The following NAALADL2 variants were observed in gnomAD, a reference collection of about 807,000 sequenced individuals.
NAALADL2 encodes the protein inactive N-acetylated-alpha-linked acidic dipeptidase-like protein 2.
Under a neutral mutation model 87.2 loss-of-function variants are expected in NAALADL2, and 76 were observed. The ratio of observed to expected loss-of-function variants is 0.87; its 90% CI spans 0.72 to 1.05. The LOEUF (loss-of-function observed/expected upper bound fraction) is 1.05. NAALADL2 is among the 50% of genes least tolerant of loss of function. The probability of loss-of-function intolerance (pLI) is 0.00; values close to 1 mark genes in which losing one functional copy is unlikely to be tolerated. For missense variants in NAALADL2, 1,089 were observed against 945.8 expected, an observed-to-expected ratio of 1.15 and a Z score of -1.99; for synonymous variants, 354 against 331.0, an observed-to-expected ratio of 1.07 and a Z score of -0.75.
At chr3:174,843,311 CTT>C (rs796893287) in intron 3 of NAALADL2, among the ~76,000 whole-genome samples, 1 of 147,196 alleles carries the variant, frequency 6.8e-6, no homozygotes. Context: ...ATAATAGCAA[CTT>C]TTTTTTTTTT....
At chr3:175,544,644 G>A (rs975482516) in intron 9 of NAALADL2, among the ~76,000 whole-genome samples, 1 of 152,070 alleles carries the variant, frequency 6.6e-6, no homozygotes, top group Non-Finnish European at 1.5e-5. Flanking sequence ...AGATCAGAGT[G>A]GATTTGGATA....
chr3:174,505,415 G>T (rs1464457759), intron 1 of NAALADL2, among the ~76,000 whole-genome samples: 1 of 152,126 alleles, frequency 6.6e-6, no homozygotes, highest in Non-Finnish European at 1.5e-5. Context: ...TTCTACCTTG[G>T]TCATGGTTAG....
intron 3 of NAALADL2, among the ~76,000 whole-genome samples, chr3:174,780,432 A>G (rs1483415940): frequency 1.3e-5 from 2 of 152,120 alleles, no homozygotes; most frequent in East Asian, 1.9e-4. Context: ...CTGCAAACAG[A>G]GACAATTTGA....
At chr3:175,111,143 T>G (rs995044674) in intron 2 of NAALADL2, among the ~76,000 whole-genome samples, 1 of 151,772 alleles carries the variant, frequency 6.6e-6, no homozygotes, top group African/African-American at 2.4e-5. Flanking sequence ...ATATCCTGTG[T>G]GGAGCTATGT....
intron 2 of NAALADL2, among the ~76,000 whole-genome samples, chr3:175,144,924 A>G (rs946738769): frequency 2.0e-5 from 3 of 152,018 alleles, no homozygotes; most frequent in Non-Finnish European, 4.4e-5. Flanking sequence ...TTTCAATACA[A>G]GTTTCAAAAT....
intron 1 of NAALADL2, among the ~76,000 whole-genome samples, chr3:174,936,460 G>T (rs939115005): frequency 6.6e-6 from 1 of 151,868 alleles, no homozygotes; most frequent in Non-Finnish European, 1.5e-5. Context: ...TTTTGAAGCA[G>T]ATAAAAAGAT....
chr3:175,312,247 G>T (rs1040194067), intron 4 of NAALADL2, among the ~76,000 whole-genome samples: 1 of 152,040 alleles, frequency 6.6e-6, no homozygotes, highest in African/African-American at 2.4e-5. Context: ...TATATTACGT[G>T]TCCAGTATTT....
At chr3:175,692,007 T>G (rs1737113392) in intron 11 of NAALADL2, among the ~76,000 whole-genome samples, 1 of 152,116 alleles carries the variant, frequency 6.6e-6, no homozygotes, top group Admixed American at 6.6e-5. Flanking sequence ...TCATCACTCT[T>G]CCTGGCTCTC....
At chr3:175,401,820 C>T (rs1770596157) in intron 5 of NAALADL2, among the ~76,000 whole-genome samples, 1 of 151,992 alleles carries the variant, frequency 6.6e-6, no homozygotes, top group Non-Finnish European at 1.5e-5. Context: ...CTGATTTTAC[C>T]TGGAGTGAAA....
chr3:175,730,399 T>A lies in NAALADL2; in HGVS notation c.1897-6907T>A, dbSNP rs1489957064. 3.6e-3 allele frequency among the ~76,000 whole-genome samples: 21 copies of A among 5,874 alleles called. 1 individual carries two copies. The highest frequency in any genetic ancestry group is 4.5e-3 in the Non-Finnish European group (14 of 3,138). 3.9% of individuals were successfully genotyped at this position (5,874 alleles called of 152,430 possible). On this transcript the variant is annotated intron_variant, in intron 11 of 13. Coordinates refer to ENST00000454872, the MANE Select transcript of NAALADL2 (RefSeq NM_207015.3). ...ATTTTCAGAAAACTTAATACAGATA[T>A]ATATATATATATATATATATATATA... is the stretch of plus-strand genomic sequence containing the variant.
chr3:174,715,123 T>C (rs1004553097), intron 2 of NAALADL2, among the ~76,000 whole-genome samples: 6 of 152,198 alleles, frequency 3.9e-5, no homozygotes, highest in African/African-American at 1.4e-4. Context: ...TTATATATGA[T>C]TGCTGCCTAG....
In NAALADL2 at chr3:174,508,365, G is replaced by A. The variant is rs187945524; in HGVS notation, c.-183-42204G>A. Among the ~76,000 whole-genome samples the A allele has an allele frequency of 6.1e-3, 930 of 152,058 alleles. 3 individuals carry two copies. The highest frequency in any genetic ancestry group is 0.01 in the Non-Finnish European group (700 of 67,990). On this transcript the variant is annotated intron_variant, in intron 1 of 3. Transcript: ENST00000434257. ...CCTGACCTTGTGATCCGCCCGTCTC[G>A]GCCTCCCAAAGTGCCAGGAATAGAG...
At chr3:175,802,330 G>C (rs1553778038) in intron 13 of NAALADL2, among the ~76,000 whole-genome samples, 1 of 150,540 alleles carries the variant, frequency 6.6e-6, no homozygotes, top group South Asian at 2.1e-4. Context: ...TTTTTTTTTG[G>C]GGGGGGACAA....
At chr3:175,378,063 G>A (rs565108032) in intron 5 of NAALADL2, among the ~76,000 whole-genome samples, 23 of 152,290 alleles carry the variant, frequency 1.5e-4, no homozygotes, top group African/African-American at 5.1e-4. Flanking sequence ...TAACACTTAA[G>A]CCGTCCACAG....
chr3:175,478,747 G>GT (rs1726056386), intron 9 of NAALADL2, among the ~76,000 whole-genome samples: 1 of 151,868 alleles, frequency 6.6e-6, no homozygotes, highest in South Asian at 2.1e-4. Context: ...AAGAGTGACT[G>GT]TTTACTCAGG....
intron 2 of NAALADL2, among the ~76,000 whole-genome samples, chr3:175,215,621 A>G (rs761416042): frequency 6.6e-6 from 1 of 152,160 alleles, no homozygotes; most frequent in South Asian, 2.1e-4. Context: ...AAATTCTGCA[A>G]ATAATGCTTC....
chr3:175,683,332 GA>G (rs1735853606), intron 11 of NAALADL2, among the ~76,000 whole-genome samples: 1 of 151,864 alleles, frequency 6.6e-6, no homozygotes, highest in Non-Finnish European at 1.5e-5. Flanking sequence ...CATAGGTAAA[GA>G]TGTTCTTTAA....
At chr3:174,852,513 G>T (rs1725364735) in intron 3 of NAALADL2, among the ~76,000 whole-genome samples, 1 of 151,996 alleles carries the variant, frequency 6.6e-6, no homozygotes, top group South Asian at 2.1e-4. Flanking sequence ...AACCAAATAA[G>T]TGAAATATCT....
At chr3:174,828,218 C>T (rs563466050) in intron 3 of NAALADL2, among the ~76,000 whole-genome samples, 2 of 150,390 alleles carry the variant, frequency 1.3e-5, no homozygotes, top group Admixed American at 1.3e-4. Context: ...ATCTTCCCCC[C>T]AAAAGATGGA....
Sources: gnomAD v4.1 joint callset for allele counts (sites outside exome capture counted in the v4.1 genomes callset) on GRCh38, gnomAD v4.1.1 for gene constraint, MANE v1.5 for transcripts, NCBI Gene and HGNC (gene_info 2026-07-23, HGNC 2026-07-21) for gene names.